SCAMP1: variants seen among roughly 807,000 people sequenced by gnomAD.
The protein encoded by SCAMP1 is secretory carrier-associated membrane protein 1.
SCAMP1 carries 15 observed loss-of-function variants against 41.8 expected under a neutral mutation model. The observed-to-expected ratio is 0.36, with a 90% CI of 0.24 to 0.55. The LOEUF (loss-of-function observed/expected upper bound fraction) is 0.55, where lower values mean the gene tolerates loss of function less well. Among genes scored for constraint, SCAMP1 ranks in the 20% least tolerant of loss-of-function variants. The pLI is 0.86. For synonymous variants in SCAMP1, 135 were observed against 136.8 expected (o/e 0.99, Z 0.09); for missense variants, 341 against 412.6 (o/e 0.83, Z 1.50).
chr5:78,452,019 A>T (rs937504007), intron 7 of SCAMP1, among the ~76,000 whole-genome samples: 2 of 152,198 alleles, frequency 1.3e-5, no homozygotes, highest in African/African-American at 2.4e-5. Context: ...ACTGTTCACC[A>T]GTTGAAGGGC....
Position 78,475,580 on chromosome 5 carries a change from A to G in SCAMP1, c.929A>G (p.Asn310Ser), listed in dbSNP as rs765441111. 8 of 1,611,042 alleles carry G rather than the reference A, an allele frequency of 5.0e-6. No individual in the cohort carries two copies. Among genetic ancestry groups the G allele is most frequent in the South Asian group, 4.4e-5 (4 of 90,502 alleles). The stretch of plus-strand genomic sequence containing the variant: ...GAGTTTGCAACAGGTGTGATGTCCA[A>G]CAAAACTGTCCAGACCGCAGCTGCA... ...QQEFATGVMS[N>S]KTVQTAAANA... Residue 310 changes from asparagine to serine, a missense_variant, in exon 9 of 9, where the codon AAC (asparagine) becomes AGC (serine). Physicochemically the swap from Asn to Ser is conservative, Grantham distance 46 (BLOSUM62 1). Transcript: ENST00000621999.
At chr5:78,469,123 C>G (rs894501668) in intron 8 of SCAMP1, among the ~76,000 whole-genome samples, 1 of 152,168 alleles carries the variant, frequency 6.6e-6, no homozygotes, top group African/African-American at 2.4e-5. Flanking sequence ...GGATTATCAT[C>G]TATACTTTCT....
chr5:78,434,559 T>TTCTTTCTTCCTTCCTTTTCC (rs1752698303), intron 6 of SCAMP1, among the ~76,000 whole-genome samples: 1 of 151,320 alleles, frequency 6.6e-6, no homozygotes, highest in Admixed American at 6.6e-5. Flanking sequence ...TTCCTTCCTT[T>TTCTTTCTTCCTTCCTTTTCC]TCCTCCTCCT....
At chr5:78,438,827 C>T (rs1367857265) in intron 6 of SCAMP1, among the ~76,000 whole-genome samples, 1 of 152,090 alleles carries the variant, frequency 6.6e-6, no homozygotes, top group Admixed American at 6.5e-5. Context: ...TAAAGTCTCC[C>T]ATTATTATTG....
intron 6 of SCAMP1, 120 bp from the exon 7 acceptor site, chr5:78,449,812 CT>C (rs1753171801): frequency 1.7e-6 from 1 of 584,482 alleles, no homozygotes; most frequent in Non-Finnish European, 2.9e-6. Context: ...TTTGTTTGTG[CT>C]TTTAAGGTTT....
intron 7 of SCAMP1, among the ~76,000 whole-genome samples, chr5:78,456,432 C>T (rs182989210): frequency 0.02 from 3,025 of 152,012 alleles, 116 homozygotes; most frequent in African/African-American, 0.068. Context: ...TTTATTTCTC[C>T]TTCACTTATG....
At chr5:78,397,803 A>G (rs1561259946) in intron 2 of SCAMP1, among the ~76,000 whole-genome samples, 2 of 152,212 alleles carry the variant, frequency 1.3e-5, no homozygotes, top group Non-Finnish European at 2.9e-5. Context: ...ACATGGACTC[A>G]GATGTTTCTC....
intron 1 of SCAMP1, among the ~76,000 whole-genome samples, chr5:78,368,227 G>C (rs760976696): frequency 2.0e-5 from 3 of 152,148 alleles, no homozygotes; most frequent in Non-Finnish European, 2.9e-5. Context: ...CAGATGTTTA[G>C]AAAACTTTTG....
intron 8 of SCAMP1, among the ~76,000 whole-genome samples, chr5:78,467,412 T>C (rs1475133103): frequency 6.6e-6 from 1 of 152,220 alleles, no homozygotes; most frequent in East Asian, 1.9e-4. Context: ...CTGAATACTT[T>C]GACCAGCAGT....
chr5:78,471,378 A>G lies in SCAMP1; in HGVS notation c.853-4126A>G, dbSNP rs537200393. Among the ~76,000 whole-genome samples, 8 of 152,286 alleles carry G rather than the reference A, an allele frequency of 5.3e-5. 1 individual carries two copies. In the South Asian group the frequency reaches 1.7e-3, roughly 32 times the overall value. ...GACCCATCTGTGGGCAGGAGGGTTC[A>G]TAGAGGGTTTCCAGAAATTTCAAAC... On this transcript the variant is annotated intron_variant, in intron 8 of 8. Coordinates refer to ENST00000621999, the MANE Select transcript of SCAMP1 (RefSeq NM_004866.6).
chr5:78,377,596 G>T (rs1455826567), intron 1 of SCAMP1, among the ~76,000 whole-genome samples: 1 of 152,192 alleles, frequency 6.6e-6, no homozygotes, highest in Non-Finnish European at 1.5e-5. Context: ...ATTGGGCAAA[G>T]AACTGCTTCT....
intron 6 of SCAMP1, among the ~76,000 whole-genome samples, chr5:78,445,206 T>C (rs956570200): frequency 6.6e-6 from 1 of 152,248 alleles, no homozygotes; most frequent in Admixed American, 6.5e-5. Context: ...AGATTTATTA[T>C]CATACTTCAG....
chr5:78,378,957 C>G (rs902863745), intron 1 of SCAMP1, among the ~76,000 whole-genome samples: 1 of 152,294 alleles, frequency 6.6e-6, no homozygotes, highest in South Asian at 2.1e-4. Context: ...ATTTTACAAG[C>G]CCTCCAGGTG....
chr5:78,463,282 T>C (rs924967457), intron 8 of SCAMP1, among the ~76,000 whole-genome samples: 2 of 152,248 alleles, frequency 1.3e-5, no homozygotes, highest in African/African-American at 2.4e-5. Flanking sequence ...GATGTTCTAA[T>C]TCTCTTGACT....
At chr5:78,429,620 G>C (rs1264173354) in intron 6 of SCAMP1, among the ~76,000 whole-genome samples, 1 of 152,022 alleles carries the variant, frequency 6.6e-6, no homozygotes, top group African/African-American at 2.4e-5. Flanking sequence ...CAAGAGAGTT[G>C]CAGGGAATGA....
intron 2 of SCAMP1, among the ~76,000 whole-genome samples, chr5:78,395,349 A>T (rs761810306): frequency 1.3e-5 from 2 of 152,174 alleles, no homozygotes; most frequent in Non-Finnish European, 2.9e-5. Flanking sequence ...CATTGTATAG[A>T]GTCAAGAGAG....
chr5:78,393,514 A>G (rs1751570514), intron 2 of SCAMP1, among the ~76,000 whole-genome samples: 1 of 152,196 alleles, frequency 6.6e-6, no homozygotes, highest in African/African-American at 2.4e-5. Context: ...TTACACATTC[A>G]GAGAAAGGAG....
At chr5:78,365,426 A>G (rs1750769290) in intron 1 of SCAMP1, among the ~76,000 whole-genome samples, 2 of 140,180 alleles carry the variant, frequency 1.4e-5, no homozygotes, top group Admixed American at 1.5e-4. Flanking sequence ...GTGAGCTGAG[A>G]TGGCACCACT....
At chr5:78,402,022 A>T (rs1293326490) in intron 2 of SCAMP1, among the ~76,000 whole-genome samples, 1 of 151,050 alleles carries the variant, frequency 6.6e-6, no homozygotes, top group Non-Finnish European at 1.5e-5. Flanking sequence ...TAAGATGTAC[A>T]TTTTTTTTTC....
Sources: gnomAD v4.1 joint callset for allele counts (sites outside exome capture counted in the v4.1 genomes callset) on GRCh38, gnomAD v4.1.1 for gene constraint, MANE v1.5 for transcripts, NCBI Gene and HGNC (gene_info 2026-07-23, HGNC 2026-07-21) for gene names.